ECI1: variants seen among roughly 807,000 people sequenced by gnomAD.
ECI1 encodes the protein enoyl-CoA delta isomerase 1, mitochondrial.
In ECI1, 34 loss-of-function variants were observed where a neutral mutation model predicts 34.2. The observed-to-expected ratio is 1.00, with a 90% CI of 0.76 to 1.33. The LOEUF is 1.33. Ranked by LOEUF, ECI1 falls within the 40% of genes most tolerant of loss-of-function variation. The pLI is 0.00. For synonymous variants in ECI1, 211 were observed against 193.0 expected, an observed-to-expected ratio of 1.09 and a Z score of -0.77; for missense variants, 456 against 422.2, an observed-to-expected ratio of 1.08 and a Z score of -0.70.
intron 2 of ECI1, among the ~76,000 whole-genome samples, chr16:2,249,973 T>C (rs745918231): frequency 2.8e-5 from 4 of 145,258 alleles, no homozygotes; most frequent in East Asian, 2.0e-4. Flanking sequence ...AACCGCGCCA[T>C]TGCACGCCAG....
rs776427889 is a variant in ECI1 at position 2,240,015 on chromosome 16, C to A, written c.873G>T (p.Gln291His). The change falls in exon 7 of 7, where the codon CAG (glutamine) becomes CAT (histidine). Residue 291 changes from glutamine (Q) to histidine (H), a missense_variant. By Grantham distance (24) the Gln-to-His change is conservative. Coordinates refer to ENST00000301729, the MANE Select transcript of ECI1 (RefSeq NM_001919.4). ...CTTCTTTGAGCCTCTCTAAGTACAT[C>A]TGCAGGGACTTCTGGATGGAGTCTT... ...ISKDSIQKSL[Q>H]MYLERLKEEK... 2 of 1,613,966 alleles carry A rather than the reference C, an allele frequency of 1.2e-6. No individual in the cohort carries two copies. The highest frequency in any genetic ancestry group is 1.7e-5 in the Admixed American group (1 of 60,030).
chr16:2,245,242 C>T (rs1028975727), intron 3 of ECI1, among the ~76,000 whole-genome samples: 38 of 152,194 alleles, frequency 2.5e-4, no homozygotes, highest in Non-Finnish European at 3.4e-4. Flanking sequence ...CAACACGGCA[C>T]GTTTTCCTCC....
chr16:2,251,053 C>A (rs1477758760), intron 2 of ECI1, among the ~76,000 whole-genome samples: 1 of 152,178 alleles, frequency 6.6e-6, no homozygotes, highest in African/African-American at 2.4e-5. Flanking sequence ...CTCCTGACCT[C>A]AGGTGATCCG....
intron 1 of ECI1, 41 bp downstream of exon 1, chr16:2,251,474 C>CCCGGCCCCGGCCCGATCCCTG: frequency 6.5e-7 from 1 of 1,540,828 alleles, no homozygotes; most frequent in Non-Finnish European, 8.7e-7. Flanking sequence ...CGGTCCTGGC[C>CCCGGCCCCGGCCCGATCCCTG]CCGGCCCCGG....
At chr16:2,240,216 T>G in intron 6 of ECI1, 71 bp from the exon 7 acceptor site, 1 of 1,521,500 alleles carries the variant, frequency 6.6e-7, no homozygotes, top group Non-Finnish European at 8.9e-7. Flanking sequence ...ACTTATTTTT[T>G]ATTTTTATTT....
intron 4 of ECI1, 126 bp downstream of exon 4, chr16:2,244,280 A>C (rs2093534942): frequency 1.7e-6 from 2 of 1,195,278 alleles, no homozygotes; most frequent in Non-Finnish European, 2.4e-6. Context: ...ACCTGTGCAC[A>C]TCTCAGGGCC....
chr16:2,246,436 C>T (rs534442448), intron 3 of ECI1, among the ~76,000 whole-genome samples: 36 of 152,294 alleles, frequency 2.4e-4, no homozygotes, highest in African/African-American at 8.2e-4. Flanking sequence ...CATGGCTCTC[C>T]CTCACTCGCT....
At chr16:2,244,638 CG>C in intron 3 of ECI1, 86 bp from the exon 4 acceptor site, 3 of 1,428,508 alleles carry the variant, frequency 2.1e-6, no homozygotes, top group Non-Finnish European at 1.9e-6. Flanking sequence ...CCCAGGTGCA[CG>C]ACGCACAGCA....
Position 2,239,993 on chromosome 16 carries a change from CT to C in ECI1, c.894del (p.Glu299LysfsTer25). On this transcript the variant is annotated frameshift_variant, in exon 7 of 7. Transcript: ENST00000301729. LOFTEE classifies it high-confidence loss of function. ...KSLQMYLERL[K>X]EEKG ...CAGCCCAATCGTTAGCCTTTTTCTTCTTTGAGCCTCTCTAAGTACATCTGCA... is the reference window on the plus strand; with the variant it reads ...CAGCCCAATCGTTAGCCTTTTTCTTCTTGAGCCTCTCTAAGTACATCTGCA... 1 of 1,613,818 alleles carries C rather than the reference CT, an allele frequency of 6.2e-7. No homozygotes were observed. Among genetic ancestry groups the C allele is most frequent in the Non-Finnish European group, 8.5e-7 (1 of 1,180,030 alleles).
chr16:2,239,927 C>G lies in ECI1; in HGVS notation c.*52G>C. 1 of 1,592,612 alleles carries G rather than the reference C, an allele frequency of 6.3e-7. No individual in the cohort carries two copies. Among genetic ancestry groups the G allele is most frequent in the African/African-American group, 1.3e-5 (1 of 74,660 alleles). On this transcript the variant is annotated 3_prime_UTR_variant, in exon 7 of 7. Coordinates refer to ENST00000301729, the MANE Select transcript of ECI1 (RefSeq NM_001919.4). ...TTGAAAAATACCTTGTTTAAGACCT[C>G]CCTGGGACCCACAGGGGCACGTGTG...
intron 6 of ECI1, chr16:2,240,379 T>C (rs900016530): frequency 2.1e-6 from 1 of 481,218 alleles, no homozygotes; most frequent in South Asian, 2.1e-5. Flanking sequence ...ACCCGGCTAA[T>C]TTTGTATTTT....
At position 2,243,173 on chromosome 16, in the gene ECI1, G is replaced by A. The variant is rs778612817; in HGVS notation, c.615C>T (p.Ala205=). The stretch of plus-strand genomic sequence containing the variant: ...GCGGGAAGAGCAGCCCCAGCTGCAG[G>A]GCACGCTCCGCCGCCCGGTGCCCGA... ...NTIGHRAAER[A]LQLGLLFPPA... is the part of the protein sequence containing the mutation. The change falls in exon 6 of 7, where the codon GCC becomes GCT. Residue 205 remains alanine (A), a synonymous_variant. Coordinates refer to ENST00000301729, the MANE Select transcript of ECI1 (RefSeq NM_001919.4). 1 of 1,608,430 alleles carries A rather than the reference G, an allele frequency of 6.2e-7. No homozygotes were observed. Among genetic ancestry groups the A allele is most frequent in the Admixed American group, 1.7e-5 (1 of 60,008 alleles).
chr16:2,249,678 T>C (rs1184240575), intron 2 of ECI1, among the ~76,000 whole-genome samples: 1 of 148,836 alleles, frequency 6.7e-6, no homozygotes, highest in Non-Finnish European at 1.5e-5. Context: ...AAGACCATCC[T>C]GGCTAACATG....
At chr16:2,250,352 C>T (rs2093550476) in intron 2 of ECI1, among the ~76,000 whole-genome samples, 1 of 151,774 alleles carries the variant, frequency 6.6e-6, no homozygotes, top group Non-Finnish European at 1.5e-5. Flanking sequence ...GCAGCTCCCT[C>T]AGCCCAGACA....
intron 4 of ECI1, 54 bp from the exon 5 acceptor site, chr16:2,243,493 C>A: frequency 6.2e-7 from 1 of 1,601,222 alleles, no homozygotes; most frequent in Admixed American, 1.7e-5. Context: ...CAACCACATT[C>A]CAGAGGGCCA....
intron 2 of ECI1, among the ~76,000 whole-genome samples, chr16:2,247,989 T>C (rs2093544169): frequency 6.6e-6 from 1 of 151,976 alleles, no homozygotes; most frequent in African/African-American, 2.4e-5. Context: ...ATTACAGGAG[T>C]GAGCCCTTGG....
chr16:2,244,500 C>G lies in ECI1; in HGVS notation c.347G>C (p.Arg116Thr). Residue 116 changes from arginine (R) to threonine (T), a missense_variant, in exon 4 of 7, where the codon AGG becomes ACG. By Grantham distance (71) the Arg-to-Thr change is moderately conservative. Transcript: ENST00000301729. ...AGLDLTEMCG[R>T]SPAHYAGYWK... ...GTACCCAGCGTAGTGGGCGGGGCTC[C>G]TCCCACACATCTCCGTCAGGTCCAG... 6.2e-7 allele frequency: 1 copy of G among 1,607,230 alleles called. No individual in the cohort carries two copies.
At position 2,240,060 on chromosome 16, in the gene ECI1, G is replaced by C; in HGVS notation, c.828C>G (p.Asn276Lys). The C allele has an allele frequency of 6.2e-7, 1 of 1,614,016 alleles. No homozygotes were observed. The highest frequency in any genetic ancestry group is 8.5e-7 in the Non-Finnish European group (1 of 1,180,028). The change falls in exon 7 of 7, where the codon AAC becomes AAG. Residue 276 changes from asparagine (N) to lysine (K), a missense_variant. Asn to Lys is a moderately conservative substitution (Grantham distance 94, BLOSUM62 0). Transcript: ENST00000301729. Reference sequence around the variant, plus strand: ...AGTCTTTGGAGATGAAGCTGACGAAGTTCTGCACGTCCGCATCGCGCTGCG... The same window carrying C: ...AGTCTTTGGAGATGAAGCTGACGAACTTCTGCACGTCCGCATCGCGCTGCG... ...LVTQRDADVQNFVSFISKDSI... is the reference protein window; with the variant it reads ...LVTQRDADVQKFVSFISKDSI...
Position 2,244,414 on chromosome 16 carries a change from C to T in ECI1, c.433G>A (p.Ala145Thr), listed in dbSNP as rs781561935. 67 of 1,612,110 alleles carry T rather than the reference C, an allele frequency of 4.2e-5. No individual in the cohort carries two copies. In the Admixed American group the frequency reaches 4.5e-4, roughly 11 times the overall value. ...LYQSNLVLVSAINGACPAGGC... is the reference protein window; with the variant it reads ...LYQSNLVLVSTINGACPAGGC... ...GGAGTGGGGACACTCACGTTGATGG[C>T]GGAGACCAGCACCAGGTTGGACTGG... Residue 145 changes from alanine to threonine, a missense_variant, in exon 4 of 7, where the codon GCC becomes ACC. Ala to Thr is a moderately conservative substitution (Grantham distance 58). Coordinates refer to ENST00000301729, the MANE Select transcript of ECI1 (RefSeq NM_001919.4).
Sources: gnomAD v4.1 joint callset for allele counts (sites outside exome capture counted in the v4.1 genomes callset) on GRCh38, gnomAD v4.1.1 for gene constraint, MANE v1.5 for transcripts, NCBI Gene and HGNC (gene_info 2026-07-23, HGNC 2026-07-21) for gene names.